PODXL: variants seen among roughly 807,000 people sequenced by gnomAD.
PODXL encodes the protein podocalyxin like, also known as podocalyxin.
Under a neutral mutation model 48.9 loss-of-function variants are expected in PODXL, and 20 were observed. The observed-to-expected ratio is 0.41, with a 90% confidence interval of 0.29 to 0.59. PODXL has a LOEUF of 0.59. Among genes scored for constraint, PODXL ranks in the 20% least tolerant of loss-of-function variants. The pLI is 0.31. For missense variants in PODXL, 606 were observed against 675.1 expected, an observed-to-expected ratio of 0.90 and a Z score of 1.13; for synonymous variants, 295 against 287.4, an observed-to-expected ratio of 1.03 and a Z score of -0.27.
At chr7:131,550,558 A>T (rs1210564496) in intron 1 of PODXL, among the ~76,000 whole-genome samples, 1 of 152,008 alleles carries the variant, frequency 6.6e-6, no homozygotes, top group Non-Finnish European at 1.5e-5. Flanking sequence ...AGGCAGGAGG[A>T]TGTCTTGAAT....
At chr7:131,520,238 G>A in intron 1 of PODXL, 1 of 447,224 alleles carries the variant, frequency 2.2e-6, no homozygotes, top group Non-Finnish European at 4.4e-6. Flanking sequence ...GCTTCCTGGA[G>A]TGGGCTTCAA....
rs534102603 is a variant in PODXL at position 131,512,439 on chromosome 7, G to T, written c.101-1006C>A. Among the ~76,000 whole-genome samples, 174 of 152,260 alleles carry T rather than the reference G, an allele frequency of 1.1e-3. 1 individual carries two copies. Among genetic ancestry groups the T allele is most frequent in the Non-Finnish European group, 2.1e-3 (143 of 68,016 alleles). On this transcript the variant is annotated intron_variant, in intron 1 of 8. Transcript: ENST00000378555. ...AAAGAAAGGCATCTCTGCGATGATGGTTAAGCTAAGCCCTGAAGGATAGCA... is the reference window on the plus strand; with the variant it reads ...AAAGAAAGGCATCTCTGCGATGATGTTTAAGCTAAGCCCTGAAGGATAGCA...
chr7:131,508,081 C>A (rs1002933433), intron 5 of PODXL, among the ~76,000 whole-genome samples: 14 of 152,224 alleles, frequency 9.2e-5, no homozygotes, highest in Non-Finnish European at 1.9e-4. Flanking sequence ...CAGCACCCGC[C>A]GCGCTCGGCA....
intron 1 of PODXL, among the ~76,000 whole-genome samples, chr7:131,551,793 C>T (rs1424129319): frequency 6.6e-6 from 1 of 151,970 alleles, no homozygotes; most frequent in Non-Finnish European, 1.5e-5. Flanking sequence ...GAAAATTAGC[C>T]GGGCGTGGAG....
chr7:131,512,848 A>G (rs1797936601), intron 1 of PODXL, among the ~76,000 whole-genome samples: 1 of 151,910 alleles, frequency 6.6e-6, no homozygotes, highest in Non-Finnish European at 1.5e-5. Flanking sequence ...GGGCGTGGTG[A>G]TGGTAGTAAA....
At chr7:131,513,189 G>A (rs1437946727) in intron 1 of PODXL, among the ~76,000 whole-genome samples, 1 of 152,104 alleles carries the variant, frequency 6.6e-6, no homozygotes, top group Admixed American at 6.5e-5. Context: ...AATGCAGACT[G>A]GAAAGAAGAG....
intron 1 of PODXL, among the ~76,000 whole-genome samples, chr7:131,514,961 T>C: frequency 6.6e-6 from 1 of 152,136 alleles, no homozygotes; most frequent in East Asian, 1.9e-4. Flanking sequence ...ATTTGTCAAC[T>C]CTGAAACTAT....
At chr7:131,505,249 C>G (rs1192350046) in intron 8 of PODXL, among the ~76,000 whole-genome samples, 1 of 152,168 alleles carries the variant, frequency 6.6e-6, no homozygotes, top group Non-Finnish European at 1.5e-5. Context: ...ATCCTCAGAC[C>G]AGCTCTGCAA....
At chr7:131,507,454 G>C (rs3800684) in intron 5 of PODXL, among the ~76,000 whole-genome samples, 50,238 of 152,042 alleles carry the variant, frequency 0.33, 8,800 homozygotes, top group East Asian at 0.46. Flanking sequence ...ATCCAGTCCT[G>C]CCATGCCATC....
chr7:131,520,048 A>C, intron 1 of PODXL: 1 of 188,406 alleles, frequency 5.3e-6, no homozygotes. Flanking sequence ...GAAAGAAAAA[A>C]ACTTACCAGA....
At chr7:131,550,376 G>A (rs1045231241) in intron 1 of PODXL, among the ~76,000 whole-genome samples, 7 of 152,132 alleles carry the variant, frequency 4.6e-5, no homozygotes, top group Non-Finnish European at 8.8e-5. Flanking sequence ...GAGGTTTTTC[G>A]CCAGGCATGA....
rs1444141235 is a variant in PODXL, at chr7:131,511,174, G to A, written c.360C>T (p.Ile120=). The A allele has an allele frequency of 5.0e-6, 8 of 1,614,042 alleles. No individual in the cohort carries two copies. Among genetic ancestry groups the A allele is most frequent in the Non-Finnish European group, 6.8e-6 (8 of 1,180,002 alleles). Residue 120 remains isoleucine (I), a synonymous_variant, in exon 2 of 9, where the codon ATC becomes ATT. Coordinates refer to ENST00000378555, the MANE Select transcript of PODXL (RefSeq NM_001018111.3). ...CACTTTTTGTGCTCTTGGGGCTCTC[G>A]ATGGTGGTAGTAGGGTTGCCTGAGC... ...GGGSGNPTTT[I]ESPKSTKSAD...
intron 1 of PODXL, among the ~76,000 whole-genome samples, chr7:131,513,379 C>G (rs1340423772): frequency 6.6e-6 from 1 of 152,160 alleles, no homozygotes; most frequent in Non-Finnish European, 1.5e-5. Context: ...AAGGTGATTC[C>G]TAGTTTTCTG....
chr7:131,520,982 A>G (rs933665670), intron 1 of PODXL, among the ~76,000 whole-genome samples: 1 of 152,144 alleles, frequency 6.6e-6, no homozygotes, highest in Non-Finnish European at 1.5e-5. Context: ...AGTCTGGCCA[A>G]TATGGCGAAA....
chr7:131,542,713 C>T (rs1021677996), intron 1 of PODXL, among the ~76,000 whole-genome samples: 6 of 152,032 alleles, frequency 3.9e-5, no homozygotes, highest in African/African-American at 7.3e-5. Context: ...TACCTGGAGC[C>T]TCAAGACGTG....
intron 1 of PODXL, among the ~76,000 whole-genome samples, chr7:131,555,724 G>A (rs1226982142): frequency 1.3e-5 from 2 of 152,192 alleles, no homozygotes; most frequent in Non-Finnish European, 2.9e-5. Context: ...AGTTGAGCCT[G>A]CACACATTAC....
Position 131,556,445 on chromosome 7 carries a change from C to A in PODXL, c.-86G>T. 1 of 1,286,140 alleles carries A rather than the reference C, an allele frequency of 7.8e-7. No homozygotes were observed. The allele number at this position is 1,286,140 out of a possible 1,614,324, so 79.7% of individuals were successfully genotyped here. On this transcript the variant is annotated 5_prime_UTR_variant, in exon 1 of 9. Transcript: ENST00000378555. ...CCGGGCGGTAGGAGCGTGGGCGCCG[C>A]CCGGGGAGGCCTGTGGGTGGCTCCG...
At chr7:131,544,932 A>G (rs1044962461) in intron 1 of PODXL, among the ~76,000 whole-genome samples, 2 of 152,182 alleles carry the variant, frequency 1.3e-5, no homozygotes, top group African/African-American at 2.4e-5. Flanking sequence ...GTGAGCCACT[A>G]TGACAGTGCT....
chr7:131,518,996 G>A (rs10268420), intron 1 of PODXL, among the ~76,000 whole-genome samples: 132,027 of 152,234 alleles, frequency 0.87, 57,610 homozygotes, highest in East Asian at 1. Context: ...TAACCTTCCA[G>A]GTCACACTGA....
Sources: allele counts gnomAD v4.1 joint callset (sites outside exome capture counted in the v4.1 genomes callset), GRCh38; gene constraint gnomAD v4.1.1; transcripts MANE v1.5; gene names NCBI Gene and HGNC (gene_info 2026-07-23, HGNC 2026-07-21).